The following ZNF582 variants were observed in gnomAD, a reference collection of about 807,000 sequenced individuals.
The protein encoded by ZNF582 is zinc finger protein 582.
ZNF582 carries 14 observed loss-of-function variants against 12.3 expected under a neutral mutation model. The ratio of observed to expected loss-of-function variants is 1.14; its 90% CI spans 0.75 to 1.78. The LOEUF is 1.78. Ranked by LOEUF, ZNF582 falls within the 40% of genes most tolerant of loss-of-function variation. The pLI, the probability that ZNF582 is intolerant of heterozygous loss-of-function variation, is 0.00. For missense variants in ZNF582, 567 were observed against 616.5 expected (o/e 0.92, Z 0.85); for synonymous variants, 210 against 207.2 (o/e 1.01, Z -0.11).
chr19:56,393,415 C>T (rs778698491), exon 1 of ZNF582: 3 of 587,486 alleles, frequency 5.1e-6, no homozygotes, highest in African/African-American at 3.8e-5. Flanking sequence ...GACCCCAGAG[C>T]GCCTGGAAAG....
chr19:56,392,930 C>T (rs985064601), intron 1 of ZNF582, among the ~76,000 whole-genome samples: 1 of 152,082 alleles, frequency 6.6e-6, no homozygotes, highest in East Asian at 1.9e-4. Flanking sequence ...TTATTATGAC[C>T]ACTTTTATAA....
At chr19:56,392,233 A>C (rs952804357) in intron 1 of ZNF582, among the ~76,000 whole-genome samples, 4 of 152,236 alleles carry the variant, frequency 2.6e-5, no homozygotes, top group Admixed American at 6.5e-5. Context: ...TAGGCCATTT[A>C]ACTCTCTCCT....
At position 56,388,409 on chromosome 19, in the gene ZNF582, G is replaced by GT. The variant is rs1169843522; in HGVS notation, c.232+1591dup. On this transcript the variant is annotated intron_variant, in intron 4 of 4. Coordinates refer to ENST00000586929, the Ensembl canonical transcript of ZNF582. ...ATGTGATCTAATAAATAAGAATAAA[G>GT]TTTTTTTAAAAATCACTATTTTGTA... The GT allele has an allele frequency of 3.9e-5, 6 of 152,226 alleles. No homozygotes were observed. In the South Asian group the frequency reaches 8.3e-4, roughly 21 times the overall value. 9.4% of individuals were successfully genotyped at this position (152,226 alleles called of 1,614,324 possible). A position where few individuals can be genotyped will look rare whatever the true frequency, so the allele number is the denominator to read the frequency against.
chr19:56,383,704 A>G lies in ZNF582; in HGVS notation c.*159T>C, dbSNP rs550961184. 5.0e-5 allele frequency: 39 copies of G among 776,602 alleles called. No homozygotes were observed. The African/African-American group carries it at 6.7e-4, about 13-fold the overall frequency. 48.1% of individuals were successfully genotyped at this position (776,602 alleles called of 1,614,324 possible). A position where few individuals can be genotyped will look rare whatever the true frequency, so the allele number is the denominator to read the frequency against. Reference sequence around the variant, plus strand: ...CTCCCAACCTTTCCCAGCATTTTTGACAATTATGATCTGAACAATTTACAT... The same window carrying G: ...CTCCCAACCTTTCCCAGCATTTTTGGCAATTATGATCTGAACAATTTACAT... On this transcript the variant is annotated 3_prime_UTR_variant, in exon 5 of 5. Coordinates refer to ENST00000586929, the Ensembl canonical transcript of ZNF582.
chr19:56,387,587 ATTTCTC>A (rs1401332904), intron 4 of ZNF582: 3 of 152,064 alleles, frequency 2.0e-5, no homozygotes, highest in Non-Finnish European at 2.9e-5. Context: ...CCTCCAAAGT[ATTTCTC>A]TTTCTCTTTC....
chr19:56,391,280 T>C (rs2042011886), intron 2 of ZNF582, among the ~76,000 whole-genome samples: 1 of 152,180 alleles, frequency 6.6e-6, no homozygotes, highest in African/African-American at 2.4e-5. Flanking sequence ...AAATGCTCTG[T>C]CCAACGTCAA....
exon 3 of ZNF582, chr19:56,390,478 C>T (rs1028207074): frequency 6.2e-7 from 1 of 1,613,906 alleles, no homozygotes; most frequent in Non-Finnish European, 8.5e-7. Context: ...AGACTATGGC[C>T]ACATCCCTGA....
At chr19:56,393,400 T>C (rs561684557) in exon 1 of ZNF582, 8 of 616,646 alleles carry the variant, frequency 1.3e-5, no homozygotes, top group African/African-American at 7.5e-5. Flanking sequence ...CACCAGCTCC[T>C]GCTGGACCCC....
At chr19:56,392,493 A>G (rs1413710955) in intron 1 of ZNF582, among the ~76,000 whole-genome samples, 1 of 152,254 alleles carries the variant, frequency 6.6e-6, no homozygotes, top group African/African-American at 2.4e-5. Context: ...TGCATGTCCA[A>G]TAATATTTGC....
chr19:56,385,880 G>C (rs1326859316), intron 4 of ZNF582, among the ~76,000 whole-genome samples: 2 of 152,102 alleles, frequency 1.3e-5, no homozygotes, highest in African/African-American at 4.8e-5. Context: ...TTGAGGTGAT[G>C]GTTATGTGGG....
At chr19:56,384,294 C>A (rs948731881) in exon 5 of ZNF582, 1 of 1,613,542 alleles carries the variant, frequency 6.2e-7, no homozygotes, top group Non-Finnish European at 8.5e-7. Flanking sequence ...ACTCTAAAGG[C>A]CTTTCCACAT....
At chr19:56,384,417 T>C (rs774730990) in exon 5 of ZNF582, 4 of 1,600,472 alleles carry the variant, frequency 2.5e-6, no homozygotes, top group Non-Finnish European at 3.4e-6. Flanking sequence ...TTCCTGCCAG[T>C]ATGAACAGTC....
At chr19:56,390,590 G>C in intron 2 of ZNF582, 89 bp from the exon 3 acceptor site, 1 of 1,491,714 alleles carries the variant, frequency 6.7e-7, no homozygotes, top group South Asian at 1.2e-5. Flanking sequence ...CGGGAGGGGG[G>C]GTTGTTTTGT....
chr19:56,392,937 A>G (rs550041210), intron 1 of ZNF582, among the ~76,000 whole-genome samples: 1 of 152,328 alleles, frequency 6.6e-6, no homozygotes, highest in African/African-American at 2.4e-5. Context: ...GACCACTTTT[A>G]TAAGCATTAT....
In ZNF582 at chr19:56,383,951, A is replaced by G. The variant is rs779477174; in HGVS notation, c.1466T>C (p.Ile489Thr). The change falls in exon 5 of 5, where the codon ATC (isoleucine) becomes ACC (threonine). Residue 489 changes from isoleucine (I) to threonine (T), a missense_variant. Coordinates refer to ENST00000586929, the Ensembl canonical transcript of ZNF582. ...GATGATTAGTAAGGGGTAACTGCTGATGGAAGGCTTTTCTACATTTATTAT... is the reference window on the plus strand; with the variant it reads ...GATGATTAGTAAGGGGTAACTGCTGGTGGAAGGCTTTTCTACATTTATTAT... 4 of 1,613,614 alleles carry G rather than the reference A, an allele frequency of 2.5e-6. No homozygotes were observed. In the South Asian group the frequency reaches 4.4e-5, roughly 18 times the overall value.
chr19:56,385,863 A>G (rs1415336328), intron 4 of ZNF582, among the ~76,000 whole-genome samples: 1 of 152,194 alleles, frequency 6.6e-6, no homozygotes, highest in African/African-American at 2.4e-5. Flanking sequence ...AATGTTCGCT[A>G]TCTTGATTGA....
chr19:56,389,495 C>T (rs925637242), intron 4 of ZNF582, among the ~76,000 whole-genome samples: 2 of 151,986 alleles, frequency 1.3e-5, no homozygotes, highest in African/African-American at 4.8e-5. Flanking sequence ...ACACACAGAG[C>T]GGGACAACAC....
At chr19:56,384,213 T>C (rs773346971) in exon 5 of ZNF582, 1 of 1,613,416 alleles carries the variant, frequency 6.2e-7, no homozygotes, top group Non-Finnish European at 8.5e-7. Context: ...TTGAAGGCCC[T>C]ACCACATACC....
rs1293945150 is a variant in ZNF582, at chr19:56,384,062, TC to T, written c.1354del (p.Glu452AsnfsTer9). ...CAAGGTCTTCTCACATTCCTTATAT[TC>T]ATAGGGCTTTTTCTCAGTGTGAATA... On this transcript the variant is annotated frameshift_variant, in exon 5 of 5. Coordinates refer to ENST00000586929, the Ensembl canonical transcript of ZNF582. LOFTEE classifies it low-confidence loss of function (END_TRUNC). 9 of 1,611,060 alleles carry T rather than the reference TC, an allele frequency of 5.6e-6. No individual in the cohort carries two copies. Among genetic ancestry groups the T allele is most frequent in the Non-Finnish European group, 7.6e-6 (9 of 1,178,976 alleles).
Sources: allele counts gnomAD v4.1 joint callset (sites outside exome capture counted in the v4.1 genomes callset), GRCh38; gene constraint gnomAD v4.1.1; transcripts MANE v1.5; gene names NCBI Gene and HGNC (gene_info 2026-07-23, HGNC 2026-07-21).